The following CNTN5 variants were observed in gnomAD, a reference collection of about 807,000 sequenced individuals.
CNTN5 encodes contactin-5.
CNTN5 carries 77 observed loss-of-function variants against 129.1 expected under a neutral mutation model. The observed-to-expected ratio is 0.60, with a 90% CI of 0.50 to 0.72. The LOEUF is 0.72. Among genes scored for constraint, CNTN5 ranks in the 30% least tolerant of loss-of-function variants. The pLI, the probability that CNTN5 is intolerant of heterozygous loss-of-function variation, is 0.00. For synonymous variants in CNTN5, 509 were observed against 465.6 expected, an observed-to-expected ratio of 1.09 and a Z score of -1.20; for missense variants, 1,478 against 1,328.8, an observed-to-expected ratio of 1.11 and a Z score of -1.75.
intron 3 of CNTN5, among the ~76,000 whole-genome samples, chr11:99,738,076 C>G (rs1338168739): frequency 1.3e-5 from 2 of 152,128 alleles, no homozygotes; most frequent in Non-Finnish European, 2.9e-5. Flanking sequence ...GAAAAGGAGG[C>G]ACACAAATTA....
At chr11:99,313,735 A>T (rs911341394) in intron 1 of CNTN5, among the ~76,000 whole-genome samples, 1 of 152,142 alleles carries the variant, frequency 6.6e-6, no homozygotes, top group Non-Finnish European at 1.5e-5. Context: ...TCTATTTAAC[A>T]AACTCCACTT....
intron 1 of CNTN5, among the ~76,000 whole-genome samples, chr11:99,159,820 C>T (rs1860521970): frequency 6.6e-6 from 1 of 151,944 alleles, no homozygotes; most frequent in African/African-American, 2.4e-5. Flanking sequence ...CGTATTTTAC[C>T]TCATAAATTT....
intron 9 of CNTN5, 94 bp from the exon 10 acceptor site, chr11:100,061,118 A>T: frequency 1.0e-6 from 1 of 953,012 alleles, no homozygotes; most frequent in Non-Finnish European, 1.5e-6. Flanking sequence ...ATTTTATTGC[A>T]CTCAGCCTAT....
At chr11:99,628,611 GACACACACACACACACACACAC>G (rs10607009) in intron 3 of CNTN5, among the ~76,000 whole-genome samples, 2 of 147,260 alleles carry the variant, frequency 1.4e-5, no homozygotes, top group African/African-American at 2.5e-5. Context: ...GCTAAATAAT[GACACACACACACACACACACAC>G]ACACACACAC....
At position 99,958,832 on chromosome 11, in the gene CNTN5, C is replaced by T. The variant is rs76645883; in HGVS notation, c.877+1823C>T. ...AACAATTAATTCCATTTTCACTATC[C>T]ATCTGTATAATAATACTTTATATTT... On this transcript the variant is annotated intron_variant, in intron 8 of 24. Coordinates refer to ENST00000524871, the MANE Select transcript of CNTN5 (RefSeq NM_014361.4). Among the ~76,000 whole-genome samples the T allele has an allele frequency of 7.5e-3, 1,139 of 152,190 alleles. 14 individuals are homozygous for T. The highest frequency in any genetic ancestry group is 0.026 in the African/African-American group (1,100 of 41,540).
chr11:100,301,073 G>A (rs2138896449), intron 20 of CNTN5, among the ~76,000 whole-genome samples: 1 of 151,622 alleles, frequency 6.6e-6, no homozygotes, highest in East Asian at 1.9e-4. Context: ...ACACTATACT[G>A]CCTCATCAGG....
chr11:100,328,470 C>T (rs563608022), intron 21 of CNTN5, among the ~76,000 whole-genome samples: 3 of 152,236 alleles, frequency 2.0e-5, no homozygotes, highest in South Asian at 4.2e-4. Context: ...ACAAGCTGTA[C>T]AGGAAGTCCG....
At chr11:100,032,873 T>C (rs1450968113) in intron 9 of CNTN5, among the ~76,000 whole-genome samples, 1 of 152,180 alleles carries the variant, frequency 6.6e-6, no homozygotes, top group African/African-American at 2.4e-5. Flanking sequence ...ATGAAGATTT[T>C]GGTAGATTTC....
At chr11:99,542,447 A>G (rs1948149663) in intron 2 of CNTN5, among the ~76,000 whole-genome samples, 1 of 152,138 alleles carries the variant, frequency 6.6e-6, no homozygotes, top group African/African-American at 2.4e-5. Flanking sequence ...GGCTTATTTC[A>G]CTTAAGATAA....
intron 3 of CNTN5, among the ~76,000 whole-genome samples, chr11:99,740,077 T>C (rs982618832): frequency 7.9e-5 from 12 of 152,200 alleles, no homozygotes; most frequent in African/African-American, 2.9e-4. Context: ...TTTAACAGTA[T>C]AATTAGTTCA....
intron 7 of CNTN5, among the ~76,000 whole-genome samples, chr11:99,934,103 T>C (rs1950253723): frequency 6.6e-6 from 1 of 152,232 alleles, no homozygotes; most frequent in Non-Finnish European, 1.5e-5. Flanking sequence ...GAATGAAATA[T>C]ATGTTTTTCT....
chr11:100,355,445 G>C (rs1396778863), intron 24 of CNTN5, among the ~76,000 whole-genome samples: 1 of 151,702 alleles, frequency 6.6e-6, no homozygotes, highest in Non-Finnish European at 1.5e-5. Flanking sequence ...CTGTTATTCT[G>C]TAAGTAGGAG....
At chr11:100,281,321 A>G (rs1950633130) in intron 18 of CNTN5, among the ~76,000 whole-genome samples, 1 of 151,908 alleles carries the variant, frequency 6.6e-6, no homozygotes, top group Non-Finnish European at 1.5e-5. Context: ...GGAAGCCTTT[A>G]TTTCTCCTTA....
At chr11:99,799,975 A>G (rs1946063520) in intron 3 of CNTN5, among the ~76,000 whole-genome samples, 1 of 151,826 alleles carries the variant, frequency 6.6e-6, no homozygotes, top group Non-Finnish European at 1.5e-5. Flanking sequence ...CAATTTTGAG[A>G]TATTATGTGT....
intron 2 of CNTN5, among the ~76,000 whole-genome samples, chr11:99,498,547 T>C (rs1481341591): frequency 6.6e-6 from 1 of 152,202 alleles, no homozygotes; most frequent in African/African-American, 2.4e-5. Flanking sequence ...TCCCAAACTT[T>C]CCTTTGAGAA....
At chr11:99,971,795 A>T (rs1373251028) in intron 8 of CNTN5, among the ~76,000 whole-genome samples, 1 of 151,892 alleles carries the variant, frequency 6.6e-6, no homozygotes, top group African/African-American at 2.4e-5. Flanking sequence ...AATCATTAGC[A>T]TTATTTAGCA....
At chr11:99,616,299 C>G (rs1043005329) in intron 3 of CNTN5, among the ~76,000 whole-genome samples, 22 of 152,124 alleles carry the variant, frequency 1.4e-4, no homozygotes, top group African/African-American at 5.3e-4. Context: ...TAATAATAGT[C>G]TAAGCTCTAA....
intron 1 of CNTN5, among the ~76,000 whole-genome samples, chr11:99,222,267 A>T (rs1326628619): frequency 6.6e-6 from 1 of 151,922 alleles, no homozygotes; most frequent in African/African-American, 2.4e-5. Flanking sequence ...GTGCAATAAA[A>T]CATAAGAAAA....
chr11:100,011,098 A>G (rs1398295837), intron 9 of CNTN5, among the ~76,000 whole-genome samples: 1 of 152,140 alleles, frequency 6.6e-6, no homozygotes, highest in Non-Finnish European at 1.5e-5. Context: ...CTTTCATAAC[A>G]GGAGGTGTGT....
Sources: allele counts gnomAD v4.1 joint callset (sites outside exome capture counted in the v4.1 genomes callset), GRCh38; gene constraint gnomAD v4.1.1; transcripts MANE v1.5; gene names NCBI Gene and HGNC (gene_info 2026-07-23, HGNC 2026-07-21).